UTP18: variants seen among roughly 807,000 people sequenced by gnomAD.
UTP18 encodes U3 small nucleolar RNA-associated protein 18 homolog.
Under a neutral mutation model 61.1 loss-of-function variants are expected in UTP18, and 36 were observed. The observed-to-expected ratio is 0.59, with a 90% confidence interval of 0.45 to 0.78. The LOEUF is 0.78. Ranked by LOEUF, UTP18 falls within the 30% of genes least tolerant of loss-of-function variation. UTP18 has a pLI of 0.00. For missense variants in UTP18, 753 were observed against 693.9 expected (o/e 1.09, Z -0.96); for synonymous variants, 282 against 251.1 (o/e 1.12, Z -1.16).
At chr17:51,295,676 T>G (rs547590582) in intron 12 of UTP18, among the ~76,000 whole-genome samples, 50 of 152,196 alleles carry the variant, frequency 3.3e-4, no homozygotes, top group African/African-American at 1.0e-3. Context: ...TTGACTTGGC[T>G]ATGCGGGCTC....
At chr17:51,266,313 G>A in intron 3 of UTP18, 33 bp downstream of exon 3, 1 of 1,504,644 alleles carries the variant, frequency 6.6e-7, no homozygotes, top group Non-Finnish European at 9.0e-7. Flanking sequence ...TTTACCAAGA[G>A]GTGTATGTAA....
At chr17:51,277,476 C>G (rs1195451493) in intron 7 of UTP18, among the ~76,000 whole-genome samples, 172 bp downstream of exon 7, 1 of 152,046 alleles carries the variant, frequency 6.6e-6, no homozygotes, top group Non-Finnish European at 1.5e-5. Flanking sequence ...TGAATGAAAC[C>G]AGTGAACTTT....
chr17:51,263,589 T>C lies in UTP18; in HGVS notation c.455+203T>C, dbSNP rs562497324. The stretch of plus-strand genomic sequence containing the variant: ...GCATGTTGTCACACTTCTGTCTCAG[T>C]CTCCTCTTTGCTGTATACAGTAGCT... On this transcript the variant is annotated intron_variant, in intron 2 of 13. Coordinates refer to ENST00000225298, the MANE Select transcript of UTP18 (RefSeq NM_016001.3). 8.5e-5 allele frequency among the ~76,000 whole-genome samples: 13 copies of C among 152,340 alleles called. No homozygotes were observed. The East Asian group carries it at 2.3e-3, about 27-fold the overall frequency.
intron 11 of UTP18, among the ~76,000 whole-genome samples, chr17:51,291,047 G>C (rs1430513316): frequency 6.6e-6 from 1 of 152,138 alleles, no homozygotes; most frequent in Non-Finnish European, 1.5e-5. Context: ...AAGGATGAGC[G>C]AGCTTTTACT....
At chr17:51,261,345 C>T (rs1274576211) in intron 1 of UTP18, among the ~76,000 whole-genome samples, 2 of 152,228 alleles carry the variant, frequency 1.3e-5, no homozygotes, top group African/African-American at 2.4e-5. Context: ...TCCGTTGTAA[C>T]TATGTCCCCA....
chr17:51,283,173 C>CTT (rs769771406), intron 9 of UTP18, among the ~76,000 whole-genome samples: 6 of 130,338 alleles, frequency 4.6e-5, no homozygotes, highest in South Asian at 2.5e-4. Flanking sequence ...CCAGCCACTT[C>CTT]TTTTTTTTTT....
intron 9 of UTP18, among the ~76,000 whole-genome samples, chr17:51,280,752 G>GCA (rs1253218767): frequency 6.6e-6 from 1 of 152,154 alleles, no homozygotes. Flanking sequence ...GACAGAGGTT[G>GCA]CAGTGAGCTG....
chr17:51,281,793 A>G (rs1904936011), intron 9 of UTP18, among the ~76,000 whole-genome samples: 1 of 152,246 alleles, frequency 6.6e-6, no homozygotes, highest in Admixed American at 6.5e-5. Context: ...GTGAATCTAA[A>G]AGGCATAATT....
chr17:51,286,086 A>G (rs1905104432), intron 10 of UTP18, among the ~76,000 whole-genome samples: 2 of 152,340 alleles, frequency 1.3e-5, no homozygotes, highest in South Asian at 2.1e-4. Context: ...AGCTGGGGGT[A>G]TAAATAAAAA....
At chr17:51,280,752 G>A (rs1474582513) in intron 9 of UTP18, among the ~76,000 whole-genome samples, 1 of 152,154 alleles carries the variant, frequency 6.6e-6, no homozygotes, top group Non-Finnish European at 1.5e-5. Flanking sequence ...GACAGAGGTT[G>A]CAGTGAGCTG....
chr17:51,291,897 C>G (rs895410584), intron 11 of UTP18, among the ~76,000 whole-genome samples: 1 of 152,236 alleles, frequency 6.6e-6, no homozygotes, highest in Non-Finnish European at 1.5e-5. Flanking sequence ...TTCATAGTAT[C>G]AGGTGAATAG....
At chr17:51,271,704 G>A (rs1414980017) in intron 4 of UTP18, among the ~76,000 whole-genome samples, 1 of 152,108 alleles carries the variant, frequency 6.6e-6, no homozygotes, top group African/African-American at 2.4e-5. Flanking sequence ...GTCTTGCTCT[G>A]TCGTGTAGGC....
rs10695281 is a variant in UTP18 at position 51,265,562 on chromosome 17, C to CTTTTTTTTTT, written c.456-608_456-599dup. On this transcript the variant is annotated intron_variant, in intron 2 of 13. Transcript: ENST00000225298. ...GCAGGCATGAGCCACCGTGCCCGGC[C>CTTTTTTTTTT]TTTTTTTTTTTTTTTTTTTTTGAGA... Among the ~76,000 whole-genome samples the CTTTTTTTTTT allele has an allele frequency of 7.0e-5, 6 of 85,566 alleles. 1 individual carries two copies. The highest frequency in any genetic ancestry group is 3.0e-4 in the African/African-American group (6 of 20,206). The allele number at this position is 85,566 out of a possible 152,430, so 56.1% of individuals were successfully genotyped here.
chr17:51,273,585 T>A, intron 5 of UTP18, 135 bp downstream of exon 5: 1 of 573,044 alleles, frequency 1.7e-6, no homozygotes, highest in Non-Finnish European at 2.8e-6. Context: ...CCCTGGTAAA[T>A]ACTTATGTTA....
intron 2 of UTP18, 41 bp downstream of exon 2, chr17:51,263,427 T>TA: frequency 7.1e-7 from 1 of 1,405,072 alleles, no homozygotes; most frequent in Non-Finnish European, 9.8e-7. Context: ...TCTGTACACT[T>TA]AAAAAAGTTA....
At chr17:51,292,353 G>A (rs1905260679) in intron 11 of UTP18, among the ~76,000 whole-genome samples, 1 of 152,240 alleles carries the variant, frequency 6.6e-6, no homozygotes, top group African/African-American at 2.4e-5. Flanking sequence ...TCACATTGAT[G>A]CCACGCTGTG....
chr17:51,281,039 A>T (rs1904899453), intron 9 of UTP18, among the ~76,000 whole-genome samples: 1 of 151,322 alleles, frequency 6.6e-6, no homozygotes, highest in African/African-American at 2.4e-5. Context: ...TTAGCCAGGC[A>T]TGCTGGCGCT....
chr17:51,292,866 C>A (rs995099116), intron 11 of UTP18, among the ~76,000 whole-genome samples: 14 of 152,286 alleles, frequency 9.2e-5, no homozygotes, highest in African/African-American at 2.9e-4. Context: ...TTGGCTCTCT[C>A]TAAATCAGAA....
chr17:51,264,599 T>G (rs1019709618), intron 2 of UTP18, among the ~76,000 whole-genome samples: 3 of 109,820 alleles, frequency 2.7e-5, no homozygotes, highest in Non-Finnish European at 6.1e-5. Flanking sequence ...GTTTATTTGT[T>G]TTTTTTTTCC....
Sources: gnomAD v4.1 joint callset for allele counts (sites outside exome capture counted in the v4.1 genomes callset) on GRCh38, gnomAD v4.1.1 for gene constraint, MANE v1.5 for transcripts, NCBI Gene and HGNC (gene_info 2026-07-23, HGNC 2026-07-21) for gene names.